COPA: variants seen among roughly 807,000 people sequenced by gnomAD.
The protein encoded by COPA is coatomer subunit alpha.
A neutral mutation model predicts 158.7 loss-of-function variants in COPA; 10 were observed. The observed-to-expected ratio is 0.06, with a 90% CI of 0.04 to 0.11. The LOEUF is 0.11. COPA is among the 10% of genes least tolerant of loss of function. COPA has a pLI of 1.00. For synonymous variants in COPA, 462 were observed against 542.8 expected (o/e 0.85, Z 2.07); for missense variants, 1,065 against 1,536.7 (o/e 0.69, Z 5.13).
intron 8 of COPA, among the ~76,000 whole-genome samples, chr1:160,322,032 C>A (rs1368115153): frequency 1.3e-5 from 2 of 152,070 alleles, no homozygotes; most frequent in African/African-American, 4.8e-5. Context: ...GGGTAAATTA[C>A]TACCTAAAGT....
chr1:160,297,707 G>A lies in COPA; in HGVS notation c.2016C>T (p.Asn672=), dbSNP rs1658459734. Reference sequence around the variant, plus strand: ...CCACTTCTCCCAGCTTTTCCCAGCAGTTCTTGTCATCCAGTGCTTTGGCTG... The same window carrying A: ...CCACTTCTCCCAGCTTTTCCCAGCAATTCTTGTCATCCAGTGCTTTGGCTG... ...LEAAKALDDK[N]CWEKLGEVAL... Residue 672 remains asparagine, a synonymous_variant, in exon 20 of 33, where the codon AAC becomes AAT. Transcript: ENST00000241704. 6.2e-7 allele frequency: 1 copy of A among 1,614,124 alleles called. No individual in the cohort carries two copies. Among genetic ancestry groups the A allele is most frequent in the African/African-American group, 1.3e-5 (1 of 75,022 alleles).
At chr1:160,335,164 G>A in intron 4 of COPA, 78 bp downstream of exon 4, 1 of 1,271,454 alleles carries the variant, frequency 7.9e-7, no homozygotes, top group Admixed American at 2.6e-5. Flanking sequence ...ATTAAAACAT[G>A]GGTTCTCAAG....
At chr1:160,309,281 T>C in intron 12 of COPA, 105 bp from the exon 13 acceptor site, 1 of 818,668 alleles carries the variant, frequency 1.2e-6, no homozygotes, top group South Asian at 1.5e-5. Flanking sequence ...CAGACACCAA[T>C]CTGAAACCAT....
chr1:160,308,931 T>C, intron 13 of COPA, 170 bp downstream of exon 13: 1 of 564,706 alleles, frequency 1.8e-6, no homozygotes, highest in South Asian at 2.5e-5. Context: ...AGGAGGAACA[T>C]GAATATTTCA....
At position 160,290,566 on chromosome 1, in the gene COPA, G is replaced by T. The variant is rs771515903; in HGVS notation, c.3541C>A (p.Pro1181Thr). 6.2e-7 allele frequency: 1 copy of T among 1,614,150 alleles called. No individual in the cohort carries two copies. The highest frequency in any genetic ancestry group is 8.5e-7 in the Non-Finnish European group (1 of 1,180,030). ...CCACTGAGTGGACACTTTTCTACTG[G>T]CTTTCCACGGTAGATGGGCCGATAT... ...ASYRPIYRGK[P>T]VEKCPLSGAC... is the part of the protein sequence containing the mutation. The change falls in exon 32 of 33, where the codon CCA becomes ACA. Residue 1181 changes from proline (P) to threonine (T), a missense_variant. This residue lies in a region of COPA where 980 missense variants were observed against 1,357.8 expected (regional missense o/e 0.72). Transcript: ENST00000241704.
At chr1:160,319,674 T>C (rs1164111650) in intron 8 of COPA, among the ~76,000 whole-genome samples, 1 of 151,734 alleles carries the variant, frequency 6.6e-6, no homozygotes, top group Non-Finnish European at 1.5e-5. Context: ...AGAAATTATA[T>C]TAAGTATCTT....
intron 19 of COPA, among the ~76,000 whole-genome samples, chr1:160,297,962 G>A (rs946216019): frequency 3.3e-5 from 5 of 152,058 alleles, no homozygotes; most frequent in Non-Finnish European, 5.9e-5. Flanking sequence ...GGCGGATCCC[G>A]AGGTCAAGAG....
At position 160,339,994 on chromosome 1, in the gene COPA, G is replaced by A. The variant is rs1407544770; in HGVS notation, c.155-12C>T. 1 of 1,613,712 alleles carries A rather than the reference G, an allele frequency of 6.2e-7. No individual in the cohort carries two copies. The highest frequency in any genetic ancestry group is 1.3e-5 in the African/African-American group (1 of 74,918). On this transcript the variant is annotated splice_polypyrimidine_tract_variant and intron_variant, in intron 2 of 32. Coordinates refer to ENST00000241704, the MANE Select transcript of COPA (RefSeq NM_004371.4). ...GCCTCGCACTGGACCTGGTGGAGAA[G>A]GCAGGCAATGTATGTTAGACAGAGC...
chr1:160,340,974 A>G (rs190224391), intron 1 of COPA, among the ~76,000 whole-genome samples: 3 of 152,292 alleles, frequency 2.0e-5, no homozygotes, highest in Admixed American at 1.3e-4. Flanking sequence ...TGAAGCCTAA[A>G]AACTCTCTAG....
At chr1:160,315,336 C>A (rs4634904) in intron 8 of COPA, among the ~76,000 whole-genome samples, 4 of 152,040 alleles carry the variant, frequency 2.6e-5, no homozygotes, top group Non-Finnish European at 4.4e-5. Context: ...AGAGAGAAAG[C>A]GGGGAGGCAA....
At chr1:160,294,682 G>A in intron 24 of COPA, 86 bp downstream of exon 24, 2 of 1,591,100 alleles carry the variant, frequency 1.3e-6, no homozygotes, top group Non-Finnish European at 8.6e-7. Flanking sequence ...TCGTTTCATG[G>A]CCTGGAAGTC....
chr1:160,329,747 G>A (rs1163960862), intron 6 of COPA, among the ~76,000 whole-genome samples: 2 of 152,140 alleles, frequency 1.3e-5, no homozygotes, highest in Admixed American at 6.5e-5. Flanking sequence ...GAAGAACTAC[G>A]AAAACAGCCA....
At chr1:160,293,496 A>AT (rs368176604) in intron 25 of COPA, 33 bp from the exon 26 acceptor site, 95,922 of 1,303,298 alleles carry the variant, frequency 0.074, 161 homozygotes, top group African/African-American at 0.11. Context: ...GTATTGAGTA[A>AT]TTTTTTTTTT....
rs112826049 is a variant in COPA, at chr1:160,322,536, A to G, written c.706+895T>C. Among the ~76,000 whole-genome samples the G allele has an allele frequency of 4.9e-3, 751 of 152,342 alleles. 11 individuals are homozygous for G. The highest frequency in any genetic ancestry group is 0.017 in the African/African-American group (713 of 41,570). Reference sequence around the variant, plus strand: ...CATTGTCTGGGCAAAATGCTCATCAATAATTATCAGAGAAATGCAAATCAA... The same window carrying G: ...CATTGTCTGGGCAAAATGCTCATCAGTAATTATCAGAGAAATGCAAATCAA... On this transcript the variant is annotated intron_variant, in intron 8 of 32. Transcript: ENST00000241704.
chr1:160,315,624 G>C (rs946185452), intron 8 of COPA, among the ~76,000 whole-genome samples: 2 of 152,190 alleles, frequency 1.3e-5, no homozygotes, highest in African/African-American at 4.8e-5. Context: ...TAGCAGTACA[G>C]ATTTGCTAAG....
chr1:160,340,804 C>G (rs529692519), intron 1 of COPA, among the ~76,000 whole-genome samples: 2 of 152,202 alleles, frequency 1.3e-5, no homozygotes, highest in Non-Finnish European at 2.9e-5. Flanking sequence ...CAGATCAGTA[C>G]TCAAACAAAG....
intron 6 of COPA, among the ~76,000 whole-genome samples, chr1:160,326,874 G>C (rs1240156089): frequency 6.6e-6 from 1 of 152,198 alleles, no homozygotes; most frequent in Non-Finnish European, 1.5e-5. Flanking sequence ...GATGGAAAAA[G>C]ACACCAGAAT....
At position 160,295,751 on chromosome 1, in the gene COPA, T is replaced by G; in HGVS notation, c.2461A>C (p.Thr821Pro). 6.2e-7 allele frequency: 1 copy of G among 1,606,252 alleles called. No homozygotes were observed. Among genetic ancestry groups the G allele is most frequent in the Non-Finnish European group, 8.5e-7 (1 of 1,177,936 alleles). Residue 821 changes from threonine to proline, a missense_variant, in exon 23 of 33, where the codon ACC becomes CCC. Physicochemically the swap from Thr to Pro is conservative, Grantham distance 38. Around this residue, in one of 2 missense-constraint regions of COPA, gnomAD observed 980 missense variants for 1,357.8 expected, o/e 0.72. Transcript: ENST00000241704. ...LTVSKGFFEG[T>P]IASKGKGGAL... Reference sequence around the variant, plus strand: ...AGGTACTTACCTTTGCTGGCAATGGTGCCTTCAAAAAATCCTTTGGATACA... The same window carrying G: ...AGGTACTTACCTTTGCTGGCAATGGGGCCTTCAAAAAATCCTTTGGATACA...
At chr1:160,309,289 C>A in intron 12 of COPA, 113 bp from the exon 13 acceptor site, 1 of 791,078 alleles carries the variant, frequency 1.3e-6, no homozygotes, top group Non-Finnish European at 2.1e-6. Context: ...AATCTGAAAC[C>A]ATACTTTTCT....
Sources: allele counts gnomAD v4.1 joint callset (sites outside exome capture counted in the v4.1 genomes callset), GRCh38; gene constraint gnomAD v4.1.1; regional missense constraint gnomAD v4.1.1; transcripts MANE v1.5; gene names NCBI Gene and HGNC (gene_info 2026-07-23, HGNC 2026-07-21).